The following MTRF1L variants were observed in gnomAD, a reference collection of about 807,000 sequenced individuals.
MTRF1L encodes peptide chain release factor 1-like, mitochondrial.
MTRF1L carries 29 observed loss-of-function variants against 40.0 expected under a neutral mutation model. The ratio of observed to expected loss-of-function variants is 0.73; its 90% confidence interval spans 0.54 to 0.99. The LOEUF (loss-of-function observed/expected upper bound fraction) is 0.99. Ranked by LOEUF, MTRF1L falls within the 50% of genes least tolerant of loss-of-function variation. The probability of loss-of-function intolerance (pLI) is 0.00; values close to 1 mark genes in which losing one functional copy is unlikely to be tolerated. For synonymous variants in MTRF1L, 150 were observed against 175.8 expected, an observed-to-expected ratio of 0.85 and a Z score of 1.16; for missense variants, 412 against 464.5, an observed-to-expected ratio of 0.89 and a Z score of 1.04.
At chr6:152,993,906 A>G (rs1247301952) in intron 4 of MTRF1L, among the ~76,000 whole-genome samples, 2 of 152,246 alleles carry the variant, frequency 1.3e-5, no homozygotes, top group South Asian at 2.1e-4. Flanking sequence ...CAAAATTAGC[A>G]TAGGAACCAC....
chr6:152,994,466 G>T, intron 4 of MTRF1L, 47 bp downstream of exon 4: 1 of 1,518,036 alleles, frequency 6.6e-7, no homozygotes, highest in South Asian at 1.3e-5. Flanking sequence ...TGGGGACAAG[G>T]CACTGTGCTA....
At chr6:153,001,022 C>G (rs1778897965) in intron 1 of MTRF1L, among the ~76,000 whole-genome samples, 1 of 151,948 alleles carries the variant, frequency 6.6e-6, no homozygotes, top group Non-Finnish European at 1.5e-5. Flanking sequence ...CACAGGCACG[C>G]ACCACCATGC....
intron 3 of MTRF1L, 96 bp downstream of exon 3, chr6:152,995,040 T>C: frequency 8.8e-7 from 1 of 1,131,070 alleles, no homozygotes; most frequent in Non-Finnish European, 1.2e-6. Flanking sequence ...TAAAACTACA[T>C]AAGCATCCTC....
At chr6:152,998,510 G>A in intron 2 of MTRF1L, 40 bp downstream of exon 2, 11 of 1,441,382 alleles carry the variant, frequency 7.6e-6, no homozygotes, top group Non-Finnish European at 1.0e-5. Context: ...TAATGCCTAA[G>A]AATAGCACAA....
intron 5 of MTRF1L, among the ~76,000 whole-genome samples, chr6:152,992,549 A>G (rs11759078): frequency 0.16 from 23,632 of 152,084 alleles, 2,365 homozygotes; most frequent in Non-Finnish European, 0.22. Context: ...AACCCATGAT[A>G]ATTACTTCAT....
chr6:152,992,109 TA>T (rs1161122450), intron 5 of MTRF1L, among the ~76,000 whole-genome samples: 5 of 152,230 alleles, frequency 3.3e-5, no homozygotes, highest in African/African-American at 1.2e-4. Flanking sequence ...TCTCATAATT[TA>T]AAAGAACAAA....
chr6:152,995,108 C>T (rs776578016), intron 3 of MTRF1L, 28 bp downstream of exon 3: 14 of 1,566,010 alleles, frequency 8.9e-6, no homozygotes, highest in Non-Finnish European at 1.2e-5. Context: ...AAACACTTTA[C>T]CTGAAACAAA....
At chr6:152,994,434 A>G (rs1288660445) in intron 4 of MTRF1L, 79 bp downstream of exon 4, 2 of 1,401,556 alleles carry the variant, frequency 1.4e-6, no homozygotes, top group African/African-American at 2.9e-5. Flanking sequence ...TACTCAATTC[A>G]GTAAACTCTG....
At chr6:152,999,660 C>T (rs906423111) in intron 1 of MTRF1L, among the ~76,000 whole-genome samples, 1 of 152,244 alleles carries the variant, frequency 6.6e-6, no homozygotes, top group South Asian at 2.1e-4. Flanking sequence ...GTGAATAAGT[C>T]TTACAAGATC....
rs1429474004 is a variant in MTRF1L at position 152,994,605 on chromosome 6, C to T, written c.595G>A (p.Val199Ile). Residue 199 changes from valine (V) to isoleucine (I), a missense_variant, in exon 4 of 7, where the codon GTT becomes ATT. Coordinates refer to ENST00000367233, the MANE Select transcript of MTRF1L (RefSeq NM_019041.7). ...AYRHMKFEGG[V>I]HRVQRVPKTE... ...TTTGGCACTCTTTGTACTCTGTGAA[C>T]ACCTCCTTCAAATTTCATGTGCCTA... is the stretch of plus-strand genomic sequence containing the variant. 6.2e-7 allele frequency: 1 copy of T among 1,613,926 alleles called. No individual in the cohort carries two copies. The highest frequency in any genetic ancestry group is 8.5e-7 in the Non-Finnish European group (1 of 1,180,008).
intron 2 of MTRF1L, 39 bp downstream of exon 2, chr6:152,998,511 A>T: frequency 6.9e-7 from 1 of 1,446,462 alleles, no homozygotes; most frequent in Non-Finnish European, 9.3e-7. Context: ...AATGCCTAAG[A>T]ATAGCACAAA....
rs1296763313 is a variant in MTRF1L at position 152,999,392 on chromosome 6, C to A, written c.260-763G>T. On this transcript the variant is annotated intron_variant, in intron 1 of 6. Coordinates refer to ENST00000367233, the MANE Select transcript of MTRF1L (RefSeq NM_019041.7). ...TGTATGCTTATCTATTAAGAAACAA[C>A]CATGCTGGGAAGTGGGATAATACAT... Among the ~76,000 whole-genome samples the A allele has an allele frequency of 2.6e-5, 4 of 152,252 alleles. No individual in the cohort carries two copies. The East Asian group carries it at 7.7e-4, about 29-fold the overall frequency.
intron 5 of MTRF1L, among the ~76,000 whole-genome samples, chr6:152,992,545 T>C (rs1778563218): frequency 6.6e-6 from 1 of 152,158 alleles, no homozygotes; most frequent in Non-Finnish European, 1.5e-5. Flanking sequence ...AAAGAACCCA[T>C]GATAATTACT....
In MTRF1L at chr6:153,002,544, C is replaced by T. The variant is rs1398275947; in HGVS notation, c.142G>A (p.Glu48Lys). 3.1e-6 allele frequency: 5 copies of T among 1,598,966 alleles called. No individual in the cohort carries two copies. The highest frequency in any genetic ancestry group is 4.3e-6 in the Non-Finnish European group (5 of 1,173,894). ...TGGGCTTCAGACCCCGCCTGGCGCT[C>T]GAGGAAGGTCCGCAAGGGCCCGCCC... ...TRGGPLRTFL[E>K]RQAGSEAHLK... is the part of the protein sequence containing the mutation. Residue 48 changes from glutamate (E) to lysine (K), a missense_variant, in exon 1 of 7, where the codon GAG (glutamate) becomes AAG (lysine). Physicochemically the swap from Glu to Lys is moderately conservative, Grantham distance 56. Coordinates refer to ENST00000367233, the MANE Select transcript of MTRF1L (RefSeq NM_019041.7).
intron 1 of MTRF1L, 88 bp from the exon 2 acceptor site, chr6:152,998,717 T>C (rs879165295): frequency 1.3e-6 from 1 of 793,364 alleles, no homozygotes; most frequent in East Asian, 3.0e-5. Flanking sequence ...ATGGTTATTA[T>C]AGCTGAAGGG....
chr6:152,992,174 C>G (rs1054178189), intron 5 of MTRF1L, among the ~76,000 whole-genome samples: 6 of 152,176 alleles, frequency 3.9e-5, no homozygotes, highest in African/African-American at 1.2e-4. Flanking sequence ...AGGGACTATG[C>G]CCATTTGAGA....
intron 5 of MTRF1L, 137 bp downstream of exon 5, chr6:152,992,720 G>T: frequency 6.1e-6 from 4 of 657,164 alleles, no homozygotes; most frequent in Non-Finnish European, 1.0e-5. Flanking sequence ...AGGATTCTAA[G>T]TAAATCAAAT....
rs1357054952 is a variant in MTRF1L at position 152,990,060 on chromosome 6, T to C, written c.978A>G (p.Thr326=). 6.2e-7 allele frequency: 1 copy of C among 1,613,948 alleles called. No homozygotes were observed. The highest frequency in any genetic ancestry group is 2.2e-5 in the East Asian group (1 of 44,846). The change falls in exon 7 of 7, where the codon ACA becomes ACG. Residue 326 remains threonine, a synonymous_variant. Coordinates refer to ENST00000367233, the MANE Select transcript of MTRF1L (RefSeq NM_019041.7). ...TGACCCGGTTCTGTGGAAAATTATA[T>C]GTTCTTATTTTCTCTGATCTTCCTT... ...GSKGRSEKIR[T]YNFPQNRVTD...
At chr6:152,998,449 TCTA>T (rs1488833152) in intron 2 of MTRF1L, 98 bp downstream of exon 2, 1 of 851,884 alleles carries the variant, frequency 1.2e-6, no homozygotes, top group Non-Finnish European at 1.7e-6. Context: ...CCCAGTTTAT[TCTA>T]AACAGTAACA....
Sources: gnomAD v4.1 joint callset for allele counts (sites outside exome capture counted in the v4.1 genomes callset) on GRCh38, gnomAD v4.1.1 for gene constraint, MANE v1.5 for transcripts, NCBI Gene and HGNC (gene_info 2026-07-23, HGNC 2026-07-21) for gene names.